Variants in BLTP1 observed in about 807,000 individuals in gnomAD.
BLTP1 encodes fragile site-associated protein.
the BLTP1 span, chr4:122,201,124 C>T: frequency 3.1e-6 from 5 of 1,606,464 alleles, no homozygotes; most frequent in Non-Finnish European, 4.2e-6. Flanking sequence ...AACTTCTTTA[C>T]AGGTAATTTT....
chr4:122,348,451 TA>T, the BLTP1 span: 2 of 832,690 alleles, frequency 2.4e-6, no homozygotes, highest in Non-Finnish European at 3.6e-6. Flanking sequence ...CATTAGATTC[TA>T]ATACAAGAAT....
At chr4:122,291,426 C>T in the BLTP1 span, among the ~76,000 whole-genome samples, 9 of 152,292 alleles carry the variant, frequency 5.9e-5, no homozygotes, top group Admixed American at 2.0e-4. Flanking sequence ...TGCTTCTTCC[C>T]TCTCCCATAA....
At chr4:122,163,534 C>T in the BLTP1 span, among the ~76,000 whole-genome samples, 1 of 151,998 alleles carries the variant, frequency 6.6e-6, no homozygotes, top group Non-Finnish European at 1.5e-5. Context: ...AGGTGAGTGC[C>T]AACAGTATAT....
the BLTP1 span, among the ~76,000 whole-genome samples, chr4:122,273,762 G>A: frequency 2.0e-4 from 31 of 151,974 alleles, no homozygotes; most frequent in African/African-American, 7.2e-4. Flanking sequence ...GCCGCCAAGT[G>A]TCTGGCATTA....
chr4:122,265,073 A>G, the BLTP1 span, among the ~76,000 whole-genome samples: 1 of 152,134 alleles, frequency 6.6e-6, no homozygotes, highest in Non-Finnish European at 1.5e-5. Flanking sequence ...GGGTGAGAGG[A>G]GGCATCATTT....
chr4:122,357,734 A>T, the BLTP1 span, among the ~76,000 whole-genome samples: 1 of 152,338 alleles, frequency 6.6e-6, no homozygotes, highest in African/African-American at 2.4e-5. Context: ...CACCGTTATG[A>T]ATATACAATG....
chr4:122,220,252 C>T, the BLTP1 span: 1 of 1,430,830 alleles, frequency 7.0e-7, no homozygotes, highest in African/African-American at 1.4e-5. Context: ...TTAATCATGA[C>T]AGATGTAATT....
the BLTP1 span, among the ~76,000 whole-genome samples, chr4:122,212,554 A>C: frequency 3.3e-5 from 5 of 152,140 alleles, no homozygotes; most frequent in Non-Finnish European, 7.4e-5. Context: ...GAATACTACT[A>C]GAGTGGTATT....
the BLTP1 span, among the ~76,000 whole-genome samples, chr4:122,159,792 C>T: frequency 6.6e-6 from 1 of 152,318 alleles, no homozygotes; most frequent in African/African-American, 2.4e-5. Flanking sequence ...ATGAAGCCAG[C>T]TTTCCATTTC....
chr4:122,287,024 T>C, the BLTP1 span, among the ~76,000 whole-genome samples: 1 of 152,216 alleles, frequency 6.6e-6, no homozygotes, highest in Non-Finnish European at 1.5e-5. Flanking sequence ...GTATTAGTTA[T>C]GTATTCCATC....
the BLTP1 span, chr4:122,263,372 G>T: frequency 1.4e-6 from 2 of 1,453,346 alleles, no homozygotes; most frequent in South Asian, 1.6e-5. Context: ...TCAAATATAG[G>T]TATATAAATT....
chr4:122,354,260 T>C, the BLTP1 span, among the ~76,000 whole-genome samples: 2 of 152,186 alleles, frequency 1.3e-5, no homozygotes, highest in Non-Finnish European at 2.9e-5. Flanking sequence ...TAAATAAAAT[T>C]AAGTTTATTA....
At chr4:122,256,066 C>A in the BLTP1 span, 1 of 983,320 alleles carries the variant, frequency 1.0e-6, no homozygotes, top group Non-Finnish European at 1.2e-6. Flanking sequence ...TCTGGAAAAG[C>A]AGATAACATC....
the BLTP1 span, chr4:122,195,692 TG>T: frequency 2.4e-6 from 2 of 821,610 alleles, no homozygotes; most frequent in Non-Finnish European, 2.9e-6. Flanking sequence ...GATCATCTAA[TG>T]GATTCTCTAT....
At chr4:122,223,237 C>T in the BLTP1 span, 1 of 764,308 alleles carries the variant, frequency 1.3e-6, no homozygotes, top group Non-Finnish European at 1.6e-6. Context: ...AGAGTTAGCC[C>T]TTATCCTTAA....
chr4:122,336,372 T>G, the BLTP1 span: 1 of 1,505,442 alleles, frequency 6.6e-7, no homozygotes, highest in Admixed American at 1.9e-5. Context: ...CCTTCTTATA[T>G]ACCTCCCCAT....
the BLTP1 span, chr4:122,307,819 C>G: frequency 6.7e-7 from 1 of 1,484,792 alleles, no homozygotes; most frequent in Non-Finnish European, 8.9e-7. Context: ...TTTCCTAATT[C>G]TAATGCTACA....
At chr4:122,337,303 C>G in the BLTP1 span, among the ~76,000 whole-genome samples, 1 of 152,108 alleles carries the variant, frequency 6.6e-6, no homozygotes, top group Non-Finnish European at 1.5e-5. Context: ...TACTGAACAT[C>G]ATAGCTTAAA....
chr4:122,262,763 G>A, the BLTP1 span: 1 of 1,574,694 alleles, frequency 6.4e-7, no homozygotes, highest in Non-Finnish European at 8.6e-7. Flanking sequence ...ACTTTCTGTA[G>A]GGCATTCACC....
Sources: gnomAD v4.1 joint callset for allele counts (sites outside exome capture counted in the v4.1 genomes callset) on GRCh38, gnomAD v4.1.1 for gene constraint, MANE v1.5 for transcripts, NCBI Gene and HGNC (gene_info 2026-07-23, HGNC 2026-07-21) for gene names.